The following EXOC6B variants were observed in gnomAD, a reference collection of about 807,000 sequenced individuals.
EXOC6B encodes the protein exocyst complex component 6B.
In EXOC6B, 54 loss-of-function variants were observed where a neutral mutation model predicts 113.5. The observed-to-expected ratio is 0.48, with a 90% CI of 0.38 to 0.60. EXOC6B has a LOEUF of 0.60. Ranked by LOEUF, EXOC6B falls within the 20% of genes least tolerant of loss-of-function variation. The pLI is 0.00. For missense variants in EXOC6B, 797 were observed against 977.5 expected (o/e 0.82, Z 2.46); for synonymous variants, 357 against 339.0 (o/e 1.05, Z -0.58).
intron 20 of EXOC6B, among the ~76,000 whole-genome samples, chr2:72,196,895 C>T (rs1378741986): frequency 3.9e-5 from 6 of 152,144 alleles, no homozygotes; most frequent in African/African-American, 1.4e-4. Context: ...CACCAGCATG[C>T]TATCTGTCCT....
chr2:72,554,876 G>C (rs1369971814), intron 8 of EXOC6B, among the ~76,000 whole-genome samples: 2 of 152,016 alleles, frequency 1.3e-5, no homozygotes, highest in East Asian at 3.9e-4. Flanking sequence ...ATTTACATTA[G>C]GTATTTCTCC....
intron 8 of EXOC6B, among the ~76,000 whole-genome samples, chr2:72,552,006 CAAAT>C (rs1703262582): frequency 1.3e-5 from 2 of 151,998 alleles, no homozygotes; most frequent in Admixed American, 6.6e-5. Flanking sequence ...AACAAGGAAA[CAAAT>C]AATAAGATTT....
chr2:72,650,550 C>T (rs545037478), intron 6 of EXOC6B, among the ~76,000 whole-genome samples: 2 of 150,592 alleles, frequency 1.3e-5, no homozygotes, highest in Admixed American at 1.3e-4. Context: ...GCCGAGATCG[C>T]GCCACTGCAC....
At chr2:72,506,200 C>T (rs190197937) in intron 11 of EXOC6B, among the ~76,000 whole-genome samples, 436 of 151,924 alleles carry the variant, frequency 2.9e-3, no homozygotes, top group African/African-American at 9.9e-3. Context: ...AACATAAAAA[C>T]GCAAAAAAAA....
At chr2:72,715,322 G>A (rs1679540097) in intron 6 of EXOC6B, among the ~76,000 whole-genome samples, 1 of 151,686 alleles carries the variant, frequency 6.6e-6, no homozygotes, top group Non-Finnish European at 1.5e-5. Context: ...TGTAAATGTA[G>A]ACACAATTGC....
intron 18 of EXOC6B, among the ~76,000 whole-genome samples, chr2:72,403,958 A>G (rs549700119): frequency 2.6e-4 from 40 of 152,162 alleles, no homozygotes; most frequent in Admixed American, 7.9e-4. Flanking sequence ...TCCCTTTCCC[A>G]GTCAAAGAAA....
At chr2:72,231,915 C>A (rs1260645592) in intron 20 of EXOC6B, among the ~76,000 whole-genome samples, 1 of 152,056 alleles carries the variant, frequency 6.6e-6, no homozygotes, top group Non-Finnish European at 1.5e-5. Context: ...CCCAGCTATC[C>A]CACTACTGAG....
intron 6 of EXOC6B, among the ~76,000 whole-genome samples, chr2:72,584,209 C>G (rs1259288153): frequency 6.6e-6 from 1 of 151,086 alleles, no homozygotes; most frequent in Non-Finnish European, 1.5e-5. Context: ...CACTGATATG[C>G]AAGTAGGGTT....
chr2:72,756,138 G>C (rs1221890593), intron 1 of EXOC6B, among the ~76,000 whole-genome samples: 1 of 152,078 alleles, frequency 6.6e-6, no homozygotes, highest in Non-Finnish European at 1.5e-5. Flanking sequence ...TTTATATTTG[G>C]TAAAACATAA....
chr2:72,524,148 T>G (rs1295455060), intron 8 of EXOC6B, among the ~76,000 whole-genome samples: 1 of 138,426 alleles, frequency 7.2e-6, no homozygotes, highest in Non-Finnish European at 1.5e-5. Flanking sequence ...TTATACAGAG[T>G]TTAAAAAAAA....
chr2:72,617,232 G>A (rs113839819), intron 6 of EXOC6B, among the ~76,000 whole-genome samples: 7,114 of 152,296 alleles, frequency 0.047, 255 homozygotes, highest in Middle Eastern at 0.11. Context: ...TCACAGGCTG[G>A]TGTTGAGTGT....
chr2:72,692,037 A>G (rs558203200), intron 6 of EXOC6B, among the ~76,000 whole-genome samples: 1 of 152,216 alleles, frequency 6.6e-6, no homozygotes, highest in East Asian at 1.9e-4. Context: ...GACATACTGT[A>G]TAGTAACTTG....
chr2:72,299,164 T>C (rs576427123), intron 20 of EXOC6B, among the ~76,000 whole-genome samples: 1 of 151,978 alleles, frequency 6.6e-6, no homozygotes, highest in African/African-American at 2.4e-5. Context: ...CCAATATTTA[T>C]TGGAGGCTTT....
At chr2:72,396,792 C>G (rs1156456614) in intron 18 of EXOC6B, among the ~76,000 whole-genome samples, 2 of 151,838 alleles carry the variant, frequency 1.3e-5, no homozygotes, top group East Asian at 3.9e-4. Flanking sequence ...TAAAAAAAAC[C>G]CTGCCAAATT....
intron 6 of EXOC6B, among the ~76,000 whole-genome samples, chr2:72,658,286 T>TAAAAAAAAAAAAAAAAAAAAAAAAAAG (rs60572283): frequency 1.7e-5 from 1 of 58,726 alleles, no homozygotes; most frequent in Non-Finnish European, 3.1e-5. Context: ...TAAAAACTAG[T>TAAAAAAAAAAAAAAAAAAAAAAAAAAG]AAAAAAAAAA....
chr2:72,224,035 A>C (rs936602073), intron 20 of EXOC6B, among the ~76,000 whole-genome samples: 84 of 152,100 alleles, frequency 5.5e-4, no homozygotes, highest in Non-Finnish European at 5.6e-4. Context: ...TTTAAGCTCC[A>C]ATTTTTTTCC....
At chr2:72,615,665 T>C (rs1321682849) in intron 6 of EXOC6B, among the ~76,000 whole-genome samples, 1 of 152,048 alleles carries the variant, frequency 6.6e-6, no homozygotes, top group African/African-American at 2.4e-5. Flanking sequence ...GTATGTAATG[T>C]TTAATAATGA....
At chr2:72,326,188 A>C (rs1197099881) in intron 20 of EXOC6B, among the ~76,000 whole-genome samples, 1 of 152,168 alleles carries the variant, frequency 6.6e-6, no homozygotes, top group South Asian at 2.1e-4. Flanking sequence ...CAGTACCACT[A>C]CAACAGCCTC....
At chr2:72,642,713 T>C (rs1673356067) in intron 6 of EXOC6B, among the ~76,000 whole-genome samples, 1 of 150,504 alleles carries the variant, frequency 6.6e-6, no homozygotes, top group Non-Finnish European at 1.5e-5. Flanking sequence ...GGCAAGGACT[T>C]CATGTCTAAA....
Sources: allele counts gnomAD v4.1 joint callset (sites outside exome capture counted in the v4.1 genomes callset), GRCh38; gene constraint gnomAD v4.1.1; transcripts MANE v1.5; gene names NCBI Gene and HGNC (gene_info 2026-07-23, HGNC 2026-07-21).